PGPEP1L: variants seen among roughly 807,000 people sequenced by gnomAD.
PGPEP1L encodes pyroglutamyl-peptidase 1-like protein.
In PGPEP1L, 7 loss-of-function variants were observed where a neutral mutation model predicts 6.0. That is an observed-to-expected ratio of 1.17 (90% CI 0.66 to 2.19). PGPEP1L has a LOEUF of 2.19. Among genes scored for constraint, PGPEP1L ranks in the 30% most tolerant of loss-of-function variants. The pLI is 0.00. For synonymous variants in PGPEP1L, 103 were observed against 83.9 expected (o/e 1.23, Z -1.24); for missense variants, 209 against 192.5 (o/e 1.09, Z -0.51).
At chr15:99,005,246 CTGAT>C (rs1211210120) in intron 2 of PGPEP1L, among the ~76,000 whole-genome samples, 179 bp downstream of exon 2, 35 of 152,256 alleles carry the variant, frequency 2.3e-4, no homozygotes, top group African/African-American at 8.2e-4. Context: ...GCCTGTGATC[CTGAT>C]TGTTTATTAA....
At chr15:99,004,810 G>T (rs1315840899) in intron 2 of PGPEP1L, among the ~76,000 whole-genome samples, 1 of 151,966 alleles carries the variant, frequency 6.6e-6, no homozygotes. Flanking sequence ...GTGGGTGGGG[G>T]TGACTCTGGA....
chr15:98,970,181 G>A (rs1449134744), intron 3 of PGPEP1L, among the ~76,000 whole-genome samples: 7 of 151,058 alleles, frequency 4.6e-5, no homozygotes, highest in South Asian at 4.2e-4. Context: ...CCCGAGTAGC[G>A]GGGACTACAG....
intron 2 of PGPEP1L, among the ~76,000 whole-genome samples, chr15:98,984,822 C>T (rs1049135750): frequency 2.0e-5 from 3 of 151,956 alleles, no homozygotes; most frequent in Non-Finnish European, 4.4e-5. Flanking sequence ...GAACTCTGCC[C>T]AGACGAAAAT....
intron 2 of PGPEP1L, among the ~76,000 whole-genome samples, chr15:99,001,663 A>G (rs1432511666): frequency 1.2e-4 from 18 of 151,968 alleles, no homozygotes; most frequent in Non-Finnish European, 7.4e-5. Context: ...AAAAAGAACC[A>G]ATCTCAAAAG....
In PGPEP1L at chr15:99,006,144, A is replaced by G. The variant is rs569650055; in HGVS notation, c.-369-488T>C. Among the ~76,000 whole-genome samples the G allele has an allele frequency of 5.3e-5, 8 of 152,276 alleles. 1 individual carries two copies. The South Asian group carries it at 1.7e-3, about 32-fold the overall frequency. On this transcript the variant is annotated intron_variant, in intron 1 of 4. Transcript: ENST00000535714. ...GAGCTGTGGGTCCTCAGGGAAGTTA[A>G]CCTCTGTGCTCAGGTTTCCTGTTTT... is the stretch of plus-strand genomic sequence containing the variant.
At chr15:98,990,096 G>C (rs1555471904) in intron 2 of PGPEP1L, among the ~76,000 whole-genome samples, 2 of 152,124 alleles carry the variant, frequency 1.3e-5, no homozygotes, top group Non-Finnish European at 2.9e-5. Context: ...TAACCAGCAA[G>C]TATCATAATG....
intron 2 of PGPEP1L, among the ~76,000 whole-genome samples, chr15:98,991,271 G>A (rs1352244024): frequency 5.3e-5 from 8 of 151,982 alleles, no homozygotes; most frequent in Non-Finnish European, 1.0e-4. Flanking sequence ...AATGATAAAG[G>A]GGATATCACC....
chr15:98,984,878 C>A (rs995172944), intron 2 of PGPEP1L, among the ~76,000 whole-genome samples: 4 of 151,950 alleles, frequency 2.6e-5, no homozygotes, highest in African/African-American at 9.7e-5. Context: ...ATAGCAAGGA[C>A]GGTGGAGAAG....
rs1471220766 is a variant in PGPEP1L, at chr15:98,968,507, T to C, written c.400A>G (p.Thr134Ala). The stretch of plus-strand genomic sequence containing the variant: ...TTCCCTTTGGCTGGAAGGACCATGG[T>C]TGAGTTTTCTTCGAACTGGGCTCTG... ...KHRAQFEENS[T>A]MVLPAKGN is the part of the protein sequence containing the mutation. Residue 134 changes from threonine (T) to alanine (A), a missense_variant, in exon 5 of 5, where the codon ACC becomes GCC. By Grantham distance (58) the Thr-to-Ala change is moderately conservative (BLOSUM62 0). Transcript: ENST00000535714. 12 of 1,613,534 alleles carry C rather than the reference T, an allele frequency of 7.4e-6. No individual in the cohort carries two copies. Among genetic ancestry groups the C allele is most frequent in the African/African-American group, 1.3e-5 (1 of 74,908 alleles).
At position 98,975,594 on chromosome 15, in the gene PGPEP1L, G is replaced by T. The variant is rs74402901; in HGVS notation, c.-141-4436C>A. On this transcript the variant is annotated intron_variant, in intron 2 of 4. Transcript: ENST00000535714. ...TCACTTGTACCCCATAAATATGTACGATTGGCCTGGGCATGGTCGCTCACG... is the reference window on the plus strand; with the variant it reads ...TCACTTGTACCCCATAAATATGTACTATTGGCCTGGGCATGGTCGCTCACG... Among the ~76,000 whole-genome samples, 1,178 of 152,162 alleles carry T rather than the reference G, an allele frequency of 7.7e-3. 21 individuals are homozygous for T. The highest frequency in any genetic ancestry group is 0.027 in the African/African-American group (1,113 of 41,506).
intron 2 of PGPEP1L, among the ~76,000 whole-genome samples, chr15:99,002,514 C>T (rs1411095322): frequency 6.6e-6 from 1 of 152,092 alleles, no homozygotes; most frequent in African/African-American, 2.4e-5. Flanking sequence ...ATACTGCAAG[C>T]ACAAATTTTG....
At position 98,983,301 on chromosome 15, in the gene PGPEP1L, G is replaced by A. The variant is rs149336827; in HGVS notation, c.-141-12143C>T. ...AAATTCTTTGACTGTTCTGATTCAC[G>A]GCTCTTTATTCATTATTATTATTAT... On this transcript the variant is annotated intron_variant, in intron 2 of 4. Transcript: ENST00000535714. Among the ~76,000 whole-genome samples the A allele has an allele frequency of 2.7e-3, 412 of 152,102 alleles. 7 individuals carry two copies. In the East Asian group the frequency reaches 0.045, roughly 17 times the overall value.
chr15:99,005,775 G>A (rs1486836613), intron 1 of PGPEP1L, 119 bp from the exon 2 acceptor site: 1 of 152,472 alleles, frequency 6.6e-6, no homozygotes, highest in Non-Finnish European at 1.5e-5. Flanking sequence ...TTGTTGTTCA[G>A]GATGGTTCAA....
At position 98,987,709 on chromosome 15, in the gene PGPEP1L, G is replaced by A. The variant is rs969028233; in HGVS notation, c.-141-16551C>T. On this transcript the variant is annotated intron_variant, in intron 2 of 4. Coordinates refer to ENST00000535714, the MANE Select transcript of PGPEP1L (RefSeq NM_001167902.2). ...AGTTACTCTTGAAGATAGCCAAATAGGAGCAGCTCCAGTCTGCAGCTCCCA... is the reference window on the plus strand; with the variant it reads ...AGTTACTCTTGAAGATAGCCAAATAAGAGCAGCTCCAGTCTGCAGCTCCCA... Among the ~76,000 whole-genome samples, 5 of 152,104 alleles carry A rather than the reference G, an allele frequency of 3.3e-5. No homozygotes were observed. The South Asian group carries it at 1.0e-3, about 31-fold the overall frequency.
At chr15:98,987,939 A>C (rs563359951) in intron 2 of PGPEP1L, among the ~76,000 whole-genome samples, 1 of 152,230 alleles carries the variant, frequency 6.6e-6, no homozygotes, top group African/African-American at 2.4e-5. Flanking sequence ...ACTAGGAGGA[A>C]CAGTGCACTC....
At chr15:98,978,009 G>A (rs1162195112) in intron 2 of PGPEP1L, among the ~76,000 whole-genome samples, 2 of 152,194 alleles carry the variant, frequency 1.3e-5, no homozygotes, top group Non-Finnish European at 2.9e-5. Context: ...AGTCTTACAA[G>A]TGGGCAAAAA....
intron 2 of PGPEP1L, among the ~76,000 whole-genome samples, chr15:98,988,504 G>A (rs1596521905): frequency 6.6e-6 from 1 of 152,186 alleles, no homozygotes; most frequent in African/African-American, 2.4e-5. Flanking sequence ...GGGACATATA[G>A]CTAAAACCCC....
chr15:98,997,353 G>A (rs1384697930), intron 2 of PGPEP1L, among the ~76,000 whole-genome samples: 1 of 152,190 alleles, frequency 6.6e-6, no homozygotes, highest in African/African-American at 2.4e-5. Context: ...GCAAATGCAT[G>A]GTGCAAGGGG....
In PGPEP1L at chr15:98,968,280, T is replaced by TCCCCTG. The variant is rs760948955; in HGVS notation, c.*192_*197dup. ...GAAAACCATAACTGAAGCTAGTTCA[T>TCCCCTG]CCCCTGTGAAATGTCCACCTTTCAG... is the stretch of plus-strand genomic sequence containing the variant. On this transcript the variant is annotated 3_prime_UTR_variant, in exon 5 of 5. Transcript: ENST00000535714. 6 of 602,570 alleles carry TCCCCTG rather than the reference T, an allele frequency of 1.0e-5. No individual in the cohort carries two copies. Among genetic ancestry groups the TCCCCTG allele is most frequent in the Non-Finnish European group, 1.8e-5 (6 of 341,622 alleles). The allele number at this position is 602,570 out of a possible 1,614,324, so 37.3% of individuals were successfully genotyped here.
Sources: gnomAD v4.1 joint callset for allele counts (sites outside exome capture counted in the v4.1 genomes callset) on GRCh38, gnomAD v4.1.1 for gene constraint, MANE v1.5 for transcripts, NCBI Gene and HGNC (gene_info 2026-07-23, HGNC 2026-07-21) for gene names.